The following OSMR variants were observed in gnomAD, a reference collection of about 807,000 sequenced individuals.
OSMR encodes oncostatin M receptor.
Under a neutral mutation model 99.9 loss-of-function variants are expected in OSMR, and 81 were observed. The ratio of observed to expected loss-of-function variants is 0.81; its 90% CI spans 0.68 to 0.97. OSMR has a LOEUF of 0.97. Ranked by LOEUF, OSMR falls within the 50% of genes least tolerant of loss-of-function variation. The pLI is 0.00. For missense variants in OSMR, 1,099 were observed against 1,153.4 expected, an observed-to-expected ratio of 0.95 and a Z score of 0.68; for synonymous variants, 406 against 410.4, an observed-to-expected ratio of 0.99 and a Z score of 0.13.
chr5:38,893,968 C>G (rs2112470542), intron 7 of OSMR, among the ~76,000 whole-genome samples: 1 of 152,300 alleles, frequency 6.6e-6, no homozygotes, highest in Non-Finnish European at 1.5e-5. Flanking sequence ...ATCAGGCTAA[C>G]AGTGGACTTC....
chr5:38,939,488 G>A (rs1431493156), downstream of OSMR: 1 of 231,376 alleles, frequency 4.3e-6, no homozygotes, highest in Non-Finnish European at 8.5e-6. Context: ...GAATAAACAG[G>A]AAATAAAAGT....
chr5:38,891,604 C>T (rs1744162509), intron 7 of OSMR, among the ~76,000 whole-genome samples: 1 of 152,158 alleles, frequency 6.6e-6, no homozygotes, highest in Non-Finnish European at 1.5e-5. Flanking sequence ...CACACTTACA[C>T]CATGGACCTT....
chr5:38,923,136 C>A lies in OSMR; in HGVS notation c.1766-14C>A, dbSNP rs745427345. On this transcript the variant is annotated splice_polypyrimidine_tract_variant and intron_variant, in intron 12 of 17. Coordinates refer to ENST00000274276, the MANE Select transcript of OSMR (RefSeq NM_003999.3). ...CATTCTGTTATTAAAAATCTGTTGA[C>A]TTTTTTTCCCTAGATGCTTTTAGGC... 1 of 1,612,054 alleles carries A rather than the reference C, an allele frequency of 6.2e-7. No homozygotes were observed. The highest frequency in any genetic ancestry group is 1.1e-5 in the South Asian group (1 of 91,036).
At chr5:38,878,160 G>T (rs1366825888) in intron 3 of OSMR, among the ~76,000 whole-genome samples, 1 of 152,124 alleles carries the variant, frequency 6.6e-6, no homozygotes, top group Non-Finnish European at 1.5e-5. Flanking sequence ...GGCCATCGGT[G>T]GACACATGTC....
At chr5:38,903,742 G>A (rs1490683150) in intron 7 of OSMR, 140 bp from the exon 8 acceptor site, 12 of 1,479,358 alleles carry the variant, frequency 8.1e-6, no homozygotes, top group South Asian at 2.9e-5. Flanking sequence ...TAGCTTGTCT[G>A]TAAGTTCTTG....
At chr5:38,937,013 G>GT (rs1747079219), downstream of OSMR, among the ~76,000 whole-genome samples, 1 of 152,190 alleles carries the variant, frequency 6.6e-6, no homozygotes, top group Non-Finnish European at 1.5e-5. The surrounding 1 kb of genome is among the most constrained non-coding windows in gnomAD (Gnocchi z 4.0). Flanking sequence ...TGATGAATTT[G>GT]TAAGTATGCT....
At chr5:38,945,410 A>G, downstream of OSMR, 1 of 935,036 alleles carries the variant, frequency 1.1e-6, no homozygotes, top group South Asian at 1.6e-5. Flanking sequence ...GAATTAGAAT[A>G]CCAAAAAGAA....
Position 38,881,696 on chromosome 5 carries a change from T to C in OSMR, c.350T>C (p.Leu117Ser). The C allele has an allele frequency of 6.2e-7, 1 of 1,614,224 alleles. No individual in the cohort carries two copies. Among genetic ancestry groups the C allele is most frequent in the Non-Finnish European group, 8.5e-7 (1 of 1,180,034 alleles). ...ACACACTTTGTAAGAATAAAGAGTTTGGTGGACGATGCCAAGTTCCCTGAG... is the reference window on the plus strand; with the variant it reads ...ACACACTTTGTAAGAATAAAGAGTTCGGTGGACGATGCCAAGTTCCCTGAG... ...CATHFVRIKSLVDDAKFPEPN... is the reference protein window; with the variant it reads ...CATHFVRIKSSVDDAKFPEPN... Residue 117 changes from leucine to serine, a missense_variant, in exon 4 of 18, where the codon TTG becomes TCG. Coordinates refer to ENST00000274276, the MANE Select transcript of OSMR (RefSeq NM_003999.3).
chr5:38,925,132 C>T, intron 14 of OSMR, 72 bp from the exon 15 acceptor site: 3 of 1,594,098 alleles, frequency 1.9e-6, no homozygotes, highest in Non-Finnish European at 2.6e-6. Flanking sequence ...CCAGCTCTCT[C>T]ACAAGATGTT....
chr5:38,886,984 C>T (rs1183204755), intron 7 of OSMR, among the ~76,000 whole-genome samples: 2 of 152,128 alleles, frequency 1.3e-5, no homozygotes, highest in African/African-American at 4.8e-5. Flanking sequence ...TTGGTATTGG[C>T]ACTTTTTTGT....
At position 38,906,171 on chromosome 5, in the gene OSMR, G is replaced by GTT. The variant is rs3840339; in HGVS notation, c.1285+1677_1285+1678dup. On this transcript the variant is annotated intron_variant, in intron 9 of 17. Transcript: ENST00000274276. ...TTTATTATTTTGCTTTACGTTTTCTGTTTTTTTTTTGAAAATTTATTCCAA... is the reference window on the plus strand; with the variant it reads ...TTTATTATTTTGCTTTACGTTTTCTGTTTTTTTTTTTTGAAAATTTATTCCAA... Among the ~76,000 whole-genome samples the GTT allele has an allele frequency of 1.5e-3, 227 of 148,594 alleles. 1 individual carries two copies. In the South Asian group the frequency reaches 0.019, roughly 12 times the overall value.
chr5:38,868,382 G>A (rs1742104836), intron 1 of OSMR, among the ~76,000 whole-genome samples: 1 of 152,104 alleles, frequency 6.6e-6, no homozygotes, highest in Non-Finnish European at 1.5e-5. Flanking sequence ...GCTTGGCTGT[G>A]GGCCCACCCA....
chr5:38,939,183 T>C, downstream of OSMR: 1 of 233,008 alleles, frequency 4.3e-6, no homozygotes. Context: ...ACATTTTATA[T>C]AAATAGCAGT....
rs375552753 is a variant in OSMR, at chr5:38,862,306, C to T, written c.-13-6726C>T. 1.3e-3 allele frequency among the ~76,000 whole-genome samples: 132 copies of T among 99,526 alleles called. 8 individuals carry two copies. Among genetic ancestry groups the T allele is most frequent in the African/African-American group, 5.0e-3 (111 of 22,204 alleles). The allele number at this position is 99,526 out of a possible 152,430, so 65.3% of individuals were successfully genotyped here. ...CTGGGCGGGGGGCTGACCCCCCCAC[C>T]TCCCTCCCGGACGGGGTGGCTGGCC... is the stretch of plus-strand genomic sequence containing the variant. On this transcript the variant is annotated intron_variant, in intron 1 of 17. Transcript: ENST00000274276.
Position 38,925,961 on chromosome 5 carries a change from T to G in OSMR, c.2212+590T>G, listed in dbSNP as rs372873048. 3.7e-4 allele frequency among the ~76,000 whole-genome samples: 56 copies of G among 152,252 alleles called. 1 individual carries two copies. In the South Asian group the frequency reaches 7.0e-3, roughly 19 times the overall value. On this transcript the variant is annotated intron_variant, in intron 15 of 17. Coordinates refer to ENST00000274276, the MANE Select transcript of OSMR (RefSeq NM_003999.3). ...GTTGGGAAATGGTGAGGTGGAGAGA[T>G]AGATCTTTTCAAAAATGCATTTGGC...
chr5:38,911,553 C>T (rs767586521), intron 9 of OSMR, among the ~76,000 whole-genome samples: 2 of 152,190 alleles, frequency 1.3e-5, no homozygotes, highest in African/African-American at 4.8e-5. Context: ...TCCTCCCTAA[C>T]TCATTCTGTG....
chr5:38,847,560 A>G (rs1490693805), intron 1 of OSMR, among the ~76,000 whole-genome samples: 1 of 152,006 alleles, frequency 6.6e-6, no homozygotes, highest in African/African-American at 2.4e-5. Context: ...TTTAAAATGC[A>G]CTCAGAGCCC....
At chr5:38,899,897 C>T (rs1001726100) in intron 7 of OSMR, among the ~76,000 whole-genome samples, 1 of 152,148 alleles carries the variant, frequency 6.6e-6, no homozygotes, top group African/African-American at 2.4e-5. Context: ...GGCACAAACA[C>T]TCCCTTAGCC....
chr5:38,848,743 C>G (rs910516602), intron 1 of OSMR, among the ~76,000 whole-genome samples: 3 of 152,278 alleles, frequency 2.0e-5, no homozygotes, highest in Admixed American at 1.3e-4. Flanking sequence ...TCCATTGTCT[C>G]TAGATACCTC....
Sources: allele counts gnomAD v4.1 joint callset (sites outside exome capture counted in the v4.1 genomes callset), GRCh38; gene constraint gnomAD v4.1.1; non-coding constraint Gnocchi (gnomAD v3.1); transcripts MANE v1.5; gene names NCBI Gene and HGNC (gene_info 2026-07-23, HGNC 2026-07-21).